The following MYO9A variants were observed in gnomAD, a reference collection of about 807,000 sequenced individuals.
MYO9A encodes unconventional myosin-IXa.
Under a neutral mutation model 293.3 loss-of-function variants are expected in MYO9A, and 103 were observed. The ratio of observed to expected loss-of-function variants is 0.35; its 90% CI spans 0.30 to 0.41. The LOEUF is 0.41. Among genes scored for constraint, MYO9A ranks in the 10% least tolerant of loss-of-function variants. The pLI, the probability that MYO9A is intolerant of heterozygous loss-of-function variation, is 1.00. For synonymous variants in MYO9A, 1,001 were observed against 1,035.7 expected (o/e 0.97, Z 0.64); for missense variants, 2,685 against 3,033.0 (o/e 0.89, Z 2.69).
intron 39 of MYO9A, among the ~76,000 whole-genome samples, chr15:71,837,123 T>C (rs2054975972): frequency 6.6e-6 from 1 of 152,070 alleles, no homozygotes; most frequent in African/African-American, 2.4e-5. Flanking sequence ...CTGACAAATT[T>C]CTGAGTTGAG....
intron 4 of MYO9A, among the ~76,000 whole-genome samples, chr15:72,023,632 T>C (rs1315962626): frequency 2.0e-5 from 3 of 148,894 alleles, no homozygotes; most frequent in Non-Finnish European, 4.5e-5. Context: ...GAGGCGAAGG[T>C]TGTACTAAGC....
At chr15:71,844,052 T>A (rs1022068634) in intron 39 of MYO9A, among the ~76,000 whole-genome samples, 3 of 152,246 alleles carry the variant, frequency 2.0e-5, no homozygotes, top group Admixed American at 6.5e-5. Flanking sequence ...CAAGTTTATA[T>A]GTAAGCTATA....
At chr15:71,840,385 G>A (rs887221208) in intron 39 of MYO9A, among the ~76,000 whole-genome samples, 5 of 152,174 alleles carry the variant, frequency 3.3e-5, no homozygotes, top group African/African-American at 1.2e-4. Flanking sequence ...GATGATCTTA[G>A]GCTCTCTGCA....
chr15:71,949,522 C>A (rs1171797920), intron 15 of MYO9A, among the ~76,000 whole-genome samples: 1 of 151,778 alleles, frequency 6.6e-6, no homozygotes, highest in Non-Finnish European at 1.5e-5. Context: ...CCAATTAAGG[C>A]AGAAAGACTT....
At chr15:71,871,529 T>C (rs187171129) in intron 32 of MYO9A, among the ~76,000 whole-genome samples, 1 of 151,852 alleles carries the variant, frequency 6.6e-6, no homozygotes, top group East Asian at 1.9e-4. Flanking sequence ...ACCCCATCTC[T>C]ACAAAAAATA....
Position 71,830,223 on chromosome 15 carries a change from T to A in MYO9A, c.6926A>T (p.Glu2309Val), listed in dbSNP as rs760976539. ...RLPSVSDVSEETLTSEAAMET... is the reference protein window; with the variant it reads ...RLPSVSDVSEVTLTSEAAMET... ...CATGGCTGCCTCACTAGTCAAGGTC[T>A]CCTCTGAGACATCAGACACAGAAGG... The change falls in exon 40 of 42, where the codon GAG (glutamate) becomes GTG (valine). Residue 2309 changes from glutamate to valine, a missense_variant. Physicochemically the swap from Glu to Val is moderately radical, Grantham distance 121. Transcript: ENST00000356056. The A allele has an allele frequency of 6.2e-7, 1 of 1,614,082 alleles. No homozygotes were observed. Among genetic ancestry groups the A allele is most frequent in the Admixed American group, 1.7e-5 (1 of 60,004 alleles).
At chr15:71,920,848 G>A (rs375754744) in intron 18 of MYO9A, among the ~76,000 whole-genome samples, 16 of 152,236 alleles carry the variant, frequency 1.1e-4, no homozygotes, top group African/African-American at 3.9e-4. Context: ...TTGGGTGGCT[G>A]GGGCACAAGA....
intron 9 of MYO9A, among the ~76,000 whole-genome samples, chr15:71,995,342 T>C (rs2076668299): frequency 6.6e-6 from 1 of 152,204 alleles, no homozygotes; most frequent in South Asian, 2.1e-4. Context: ...ATTACATTGG[T>C]AGTTGTCTTC....
chr15:71,901,004 A>G (rs544357180), intron 23 of MYO9A, among the ~76,000 whole-genome samples, 187 bp downstream of exon 23: 1 of 152,388 alleles, frequency 6.6e-6, no homozygotes, highest in East Asian at 1.9e-4. Flanking sequence ...ATCAATATTT[A>G]TTAATAGTCT....
intron 8 of MYO9A, among the ~76,000 whole-genome samples, chr15:72,002,083 CCT>C (rs1227073256): frequency 6.6e-6 from 1 of 152,100 alleles, no homozygotes; most frequent in African/African-American, 2.4e-5. Flanking sequence ...AGCAAGACCT[CCT>C]CTCTACTAAA....
At chr15:71,904,140 G>A in intron 20 of MYO9A, 101 bp from the exon 21 acceptor site, 1 of 916,450 alleles carries the variant, frequency 1.1e-6, no homozygotes, top group Non-Finnish European at 1.7e-6. Flanking sequence ...AGATTGACTG[G>A]AGGTTGTCTG....
At position 71,899,029 on chromosome 15, in the gene MYO9A, A is replaced by C. The variant is rs372064261; in HGVS notation, c.3474T>G (p.Phe1158Leu). 1 of 1,588,886 alleles carries C rather than the reference A, an allele frequency of 6.3e-7. No homozygotes were observed. The highest frequency in any genetic ancestry group is 1.4e-5 in the African/African-American group (1 of 73,854). The change falls in exon 25 of 42, where the codon TTT (phenylalanine) becomes TTG (leucine). Residue 1158 changes from phenylalanine to leucine, a missense_variant. This residue lies in a region of MYO9A where 1,434 missense variants were observed against 1,497.7 expected (regional missense o/e 0.96). Coordinates refer to ENST00000356056, the MANE Select transcript of MYO9A (RefSeq NM_006901.4). ...TCRGFRARQR[F>L]KALKEQRLRE... ...TTAGCCTTTGTTCTTTTAAAGCTTT[A>C]AATCTATATAAAAACAGACAAAATG...
At chr15:71,948,032 CAGAA>C (rs1266533536) in intron 15 of MYO9A, among the ~76,000 whole-genome samples, 3 of 152,048 alleles carry the variant, frequency 2.0e-5, no homozygotes, top group South Asian at 4.2e-4. Context: ...GCGAGAGCAC[CAGAA>C]AGAAAGAGAA....
chr15:72,093,377 AAAAT>A (rs1388801954), intron 1 of MYO9A, among the ~76,000 whole-genome samples: 1 of 151,886 alleles, frequency 6.6e-6, no homozygotes, highest in Non-Finnish European at 1.5e-5. Flanking sequence ...AAAATAAAAT[AAAAT>A]AAAAAATAGC....
intron 11 of MYO9A, among the ~76,000 whole-genome samples, chr15:71,983,035 GTC>G (rs1337358765): frequency 1.3e-5 from 2 of 151,818 alleles, no homozygotes; most frequent in African/African-American, 4.8e-5. Context: ...TATTTAAAAT[GTC>G]TCTCATAAGC....
intron 1 of MYO9A, among the ~76,000 whole-genome samples, chr15:72,079,510 T>A (rs1459688324): frequency 6.6e-6 from 1 of 152,202 alleles, no homozygotes; most frequent in East Asian, 1.9e-4. Context: ...AATATGCATG[T>A]GTTTTAAAAA....
intron 11 of MYO9A, among the ~76,000 whole-genome samples, chr15:71,984,660 G>A (rs1363001825): frequency 6.6e-6 from 1 of 151,866 alleles, no homozygotes; most frequent in Non-Finnish European, 1.5e-5. Flanking sequence ...TTTTCTTCTG[G>A]TCTATCTTCC....
intron 1 of MYO9A, among the ~76,000 whole-genome samples, chr15:72,110,023 G>C (rs1218881119): frequency 6.6e-6 from 1 of 150,796 alleles, no homozygotes; most frequent in Non-Finnish European, 1.5e-5. Flanking sequence ...AGGCAGCGTA[G>C]TGGCACACAT....
At chr15:71,916,034 GAA>G (rs932805042) in intron 19 of MYO9A, among the ~76,000 whole-genome samples, 1 of 151,984 alleles carries the variant, frequency 6.6e-6, no homozygotes, top group African/African-American at 2.4e-5. Flanking sequence ...TTTAAGCAGG[GAA>G]AAAAACATAT....
Sources: allele counts gnomAD v4.1 joint callset (sites outside exome capture counted in the v4.1 genomes callset), GRCh38; gene constraint gnomAD v4.1.1; regional missense constraint gnomAD v4.1.1; transcripts MANE v1.5; gene names NCBI Gene and HGNC (gene_info 2026-07-23, HGNC 2026-07-21).